Variants in TRIM66 observed in about 807,000 individuals in gnomAD.
TRIM66 encodes tripartite motif containing 66.
In TRIM66, 99 loss-of-function variants were observed where a neutral mutation model predicts 148.2. The observed-to-expected ratio is 0.67, with a 90% CI of 0.57 to 0.79. The LOEUF is 0.79. TRIM66 is among the 30% of genes least tolerant of loss of function. The pLI, the probability that TRIM66 is intolerant of heterozygous loss-of-function variation, is 0.00. For synonymous variants in TRIM66, 616 were observed against 635.9 expected (o/e 0.97, Z 0.47); for missense variants, 1,666 against 1,697.9 (o/e 0.98, Z 0.33).
At chr11:8,669,193 T>C (rs533589185) in intron 6 of TRIM66, among the ~76,000 whole-genome samples, 2 of 152,314 alleles carry the variant, frequency 1.3e-5, no homozygotes, top group African/African-American at 4.8e-5. Context: ...TGTTGATGCA[T>C]TGAGACTGCC....
chr11:8,649,658 T>G, intron 8 of TRIM66, 82 bp downstream of exon 8: 1 of 1,486,466 alleles, frequency 6.7e-7, no homozygotes, highest in Non-Finnish European at 9.0e-7. Context: ...GAAAACAAGA[T>G]CGGAGAGCTA....
intron 6 of TRIM66, among the ~76,000 whole-genome samples, chr11:8,661,600 G>A (rs1453528366): frequency 6.6e-6 from 1 of 152,146 alleles, no homozygotes. Context: ...GTTTCTACTG[G>A]CCCTCAAGCC....
chr11:8,677,436 C>T (rs1204573865), intron 3 of TRIM66, among the ~76,000 whole-genome samples: 1 of 151,944 alleles, frequency 6.6e-6, no homozygotes, highest in Non-Finnish European at 1.5e-5. Flanking sequence ...GACAAGAAAA[C>T]AGATTCAAAG....
chr11:8,618,788 G>C lies in TRIM66; in HGVS notation c.4081C>G (p.Gln1361Glu), dbSNP rs1591992733. ...PQGFPWPPYM[Q>E]EGIQPKRRRR... ...CGCCTCTTGGGTTGGATGCCCTCCT[G>C]CATGTAGGGAGGCCACGGGAAGCCC... The change falls in exon 24 of 25, where the codon CAG (glutamine) becomes GAG (glutamate). Residue 1361 changes from glutamine (Q) to glutamate (E), a missense_variant. Physicochemically the swap from Gln to Glu is conservative, Grantham distance 29 (BLOSUM62 2). Coordinates refer to ENST00000646038, the MANE Select transcript of TRIM66 (RefSeq NM_001388022.1). 3 of 1,550,984 alleles carry C rather than the reference G, an allele frequency of 1.9e-6. No homozygotes were observed. The highest frequency in any genetic ancestry group is 2.6e-6 in the Non-Finnish European group (3 of 1,146,838).
chr11:8,669,616 C>T (rs1487078903), intron 6 of TRIM66, among the ~76,000 whole-genome samples: 1 of 150,956 alleles, frequency 6.6e-6, no homozygotes, highest in Admixed American at 6.6e-5. Context: ...GCACTCCAGC[C>T]TGGGCGACAG....
chr11:8,647,896 C>A (rs564167803), intron 10 of TRIM66, 74 bp downstream of exon 10: 1 of 1,161,306 alleles, frequency 8.6e-7, no homozygotes, highest in Admixed American at 2.0e-5. Context: ...CTACATCTGA[C>A]GGCCTGGTGT....
Position 8,616,496 on chromosome 11 carries a change from C to T in TRIM66, c.*1448G>A, listed in dbSNP as rs977158465. ...CATGTCAGGTTCATAGCTCCCCCAA[C>T]AATATGAGCAATGGGTTCCTTCTCA... On this transcript the variant is annotated 3_prime_UTR_variant, in exon 25 of 25. Coordinates refer to ENST00000646038, the MANE Select transcript of TRIM66 (RefSeq NM_001388022.1). The T allele has an allele frequency of 6.6e-6, 1 of 152,204 alleles. No homozygotes were observed. Among genetic ancestry groups the T allele is most frequent in the African/African-American group, 2.4e-5 (1 of 41,436 alleles). The allele number at this position is 152,204 out of a possible 1,614,324, so 9.4% of individuals were successfully genotyped here.
chr11:8,674,510 G>C (rs1208386370), intron 4 of TRIM66, among the ~76,000 whole-genome samples: 1 of 152,156 alleles, frequency 6.6e-6, no homozygotes, highest in African/African-American at 2.4e-5. Context: ...CTCCTAGGCA[G>C]CTAGCACTAT....
intron 4 of TRIM66, among the ~76,000 whole-genome samples, 151 bp from the exon 5 acceptor site, chr11:8,672,536 C>T (rs1217828380): frequency 1.3e-5 from 2 of 151,830 alleles, no homozygotes; most frequent in Admixed American, 6.6e-5. Flanking sequence ...GTTAGAGAGG[C>T]TGGGTCACGC....
upstream of TRIM66, chr11:8,682,996 C>G (rs2039516382): frequency 1.1e-6 from 1 of 923,354 alleles, no homozygotes; most frequent in African/African-American, 1.7e-5. Flanking sequence ...GTGTGTTAGG[C>G]CCGCGGTTCG....
chr11:8,647,924 G>A (rs1269250540), intron 10 of TRIM66, 46 bp downstream of exon 10: 35 of 1,439,308 alleles, frequency 2.4e-5, no homozygotes, highest in Middle Eastern at 3.4e-4. Context: ...CTGGGTGTGC[G>A]GGAACAGAGC....
Position 8,625,179 on chromosome 11 carries a change from T to TC in TRIM66, c.2359dup (p.Glu787GlyfsTer68). ...CCTCTCCAACCTGGTAGATGACAAC[T>TC]CCATCTCCAGAGTGTTGGAAAAGCC... On this transcript the variant is annotated frameshift_variant, in exon 16 of 25. Transcript: ENST00000646038. LOFTEE classifies it high-confidence loss of function. 1 of 1,534,634 alleles carries TC rather than the reference T, an allele frequency of 6.5e-7. No individual in the cohort carries two copies. Among genetic ancestry groups the TC allele is most frequent in the Non-Finnish European group, 8.8e-7 (1 of 1,137,174 alleles).
chr11:8,619,574 G>C, intron 22 of TRIM66, 39 bp from the exon 23 acceptor site: 5 of 1,484,296 alleles, frequency 3.4e-6, no homozygotes, highest in Non-Finnish European at 4.5e-6. Flanking sequence ...GGCAAAGGGA[G>C]TGAGAGAAGA....
rs2034056897 is a variant in TRIM66, at chr11:8,620,041, C to T, written c.3747+9G>A. 6.4e-7 allele frequency: 1 copy of T among 1,551,520 alleles called. No homozygotes were observed. The highest frequency in any genetic ancestry group is 2.4e-5 in the East Asian group (1 of 40,916). The stretch of plus-strand genomic sequence containing the variant: ...GGAGAAGGTGAGAGAACAGCGTGGC[C>T]TTCCTTACCAGGGGGCTGACAGGTT... On this transcript the variant is annotated intron_variant, in intron 22 of 24. Transcript: ENST00000646038.
chr11:8,681,258 C>G (rs937940535), intron 1 of TRIM66, among the ~76,000 whole-genome samples: 1 of 151,960 alleles, frequency 6.6e-6, no homozygotes, highest in East Asian at 1.9e-4. Context: ...CTCAGCCTCC[C>G]GAGTAGCTGG....
At chr11:8,643,227 G>T in intron 12 of TRIM66, 101 bp from the exon 13 acceptor site, 1 of 951,684 alleles carries the variant, frequency 1.1e-6, no homozygotes, top group Non-Finnish European at 1.6e-6. Flanking sequence ...CAAAGTCATG[G>T]CCCTTTAACC....
In TRIM66 at chr11:8,626,650, T is replaced by C. The variant is rs137937050; in HGVS notation, c.2311-1422A>G. On this transcript the variant is annotated intron_variant, in intron 15 of 24. Coordinates refer to ENST00000646038, the MANE Select transcript of TRIM66 (RefSeq NM_001388022.1). ...ACTTTCACATCTCCCTAGACAACAGTAGTAGCCTCTTCAATGGAGAAGTAT... is the reference window on the plus strand; with the variant it reads ...ACTTTCACATCTCCCTAGACAACAGCAGTAGCCTCTTCAATGGAGAAGTAT... Among the ~76,000 whole-genome samples the C allele has an allele frequency of 4.6e-5, 7 of 152,330 alleles. No homozygotes were observed. In the East Asian group the frequency reaches 1.3e-3, roughly 29 times the overall value.
chr11:8,657,372 C>A (rs2037917857), intron 6 of TRIM66, among the ~76,000 whole-genome samples: 1 of 152,116 alleles, frequency 6.6e-6, no homozygotes, highest in African/African-American at 2.4e-5. Flanking sequence ...GCCTGATGCT[C>A]CTCCGCTAGT....
At chr11:8,677,594 C>T (rs1185816113) in intron 3 of TRIM66, among the ~76,000 whole-genome samples, 2 of 152,034 alleles carry the variant, frequency 1.3e-5, no homozygotes, top group Admixed American at 6.5e-5. Context: ...GCCTGGGCAA[C>T]ATACAAGACC....
Sources: allele counts gnomAD v4.1 joint callset (sites outside exome capture counted in the v4.1 genomes callset), GRCh38; gene constraint gnomAD v4.1.1; transcripts MANE v1.5; gene names NCBI Gene and HGNC (gene_info 2026-07-23, HGNC 2026-07-21).